CDH12: variants seen among roughly 807,000 people sequenced by gnomAD.
The protein encoded by CDH12 is cadherin 12.
In CDH12, 41 loss-of-function variants were observed where a neutral mutation model predicts 74.1. That is an observed-to-expected ratio of 0.55 (90% CI 0.43 to 0.72). The LOEUF (loss-of-function observed/expected upper bound fraction) is 0.72. Ranked by LOEUF, CDH12 falls within the 30% of genes least tolerant of loss-of-function variation. CDH12 has a pLI of 0.00. For synonymous variants in CDH12, 399 were observed against 355.0 expected (o/e 1.12, Z -1.39); for missense variants, 945 against 977.2 (o/e 0.97, Z 0.44).
intron 5 of CDH12, among the ~76,000 whole-genome samples, chr5:21,987,670 G>T (rs1392669224): frequency 2.0e-5 from 3 of 152,234 alleles, no homozygotes; most frequent in Non-Finnish European, 2.9e-5. Context: ...TGCAAATTTG[G>T]TTGCTATGAT....
At chr5:22,046,435 T>C (rs1023728534) in intron 5 of CDH12, among the ~76,000 whole-genome samples, 11 of 144,174 alleles carry the variant, frequency 7.6e-5, no homozygotes, top group African/African-American at 1.3e-4. Flanking sequence ...AATTTCTTTT[T>C]TTTTTTTTTT....
At chr5:22,639,641 T>C (rs1320353680) in intron 1 of CDH12, among the ~76,000 whole-genome samples, 1 of 152,118 alleles carries the variant, frequency 6.6e-6, no homozygotes, top group East Asian at 1.9e-4. Context: ...ATTTTTACTT[T>C]CCAGTTTCCA....
At chr5:22,400,249 T>C (rs187856279) in intron 3 of CDH12, among the ~76,000 whole-genome samples, 1 of 152,280 alleles carries the variant, frequency 6.6e-6, no homozygotes, top group African/African-American at 2.4e-5. Context: ...TGTATGCTTC[T>C]TTAAATTACT....
At chr5:21,776,429 T>C (rs1745593053) in intron 11 of CDH12, among the ~76,000 whole-genome samples, 1 of 152,200 alleles carries the variant, frequency 6.6e-6, no homozygotes, top group South Asian at 2.1e-4. Context: ...GAGTAGGTTT[T>C]TCTTCTAAGT....
At chr5:22,574,970 T>C (rs1392839897) in intron 1 of CDH12, among the ~76,000 whole-genome samples, 2 of 152,212 alleles carry the variant, frequency 1.3e-5, no homozygotes, top group Non-Finnish European at 2.9e-5. Context: ...TGATTTTATA[T>C]ATTTTGCTTT....
intron 6 of CDH12, among the ~76,000 whole-genome samples, chr5:21,902,594 C>T (rs1753443030): frequency 6.6e-6 from 1 of 152,108 alleles, no homozygotes; most frequent in Non-Finnish European, 1.5e-5. Context: ...ATGTTTCTCA[C>T]TAGGTAACCC....
intron 3 of CDH12, among the ~76,000 whole-genome samples, chr5:22,315,992 C>T (rs180782056): frequency 3.6e-4 from 55 of 151,632 alleles, no homozygotes; most frequent in African/African-American, 1.3e-3. Context: ...CTAACGGGAA[C>T]GTTTCTTAGC....
intron 1 of CDH12, among the ~76,000 whole-genome samples, chr5:22,725,897 C>T (rs7723664): frequency 0.3 from 45,374 of 151,374 alleles, 6,919 homozygotes; most frequent in South Asian, 0.35. Context: ...CCGACATGAT[C>T]TTTTCCACTT....
intron 1 of CDH12, among the ~76,000 whole-genome samples, chr5:22,697,702 G>A (rs771931265): frequency 8.6e-5 from 13 of 152,022 alleles, no homozygotes; most frequent in Non-Finnish European, 5.9e-5. Context: ...ACTAAATTGT[G>A]TCCCCTTAAA....
intron 3 of CDH12, among the ~76,000 whole-genome samples, chr5:22,261,181 T>C (rs1284492785): frequency 6.6e-6 from 1 of 150,854 alleles, no homozygotes; most frequent in Non-Finnish European, 1.5e-5. Context: ...TCTACAGAAA[T>C]TTTTTTTTGC....
At chr5:22,004,800 T>A (rs1312859703) in intron 5 of CDH12, among the ~76,000 whole-genome samples, 1 of 152,130 alleles carries the variant, frequency 6.6e-6, no homozygotes. Flanking sequence ...CTCATCTCCC[T>A]CCTATCCTCC....
At chr5:22,346,563 G>A (rs780033978) in intron 3 of CDH12, among the ~76,000 whole-genome samples, 2 of 152,134 alleles carry the variant, frequency 1.3e-5, no homozygotes, top group East Asian at 1.9e-4. Flanking sequence ...TAGATTCTAG[G>A]TTTGAGTACT....
At chr5:21,810,862 T>G (rs1376514885) in intron 9 of CDH12, among the ~76,000 whole-genome samples, 2 of 152,186 alleles carry the variant, frequency 1.3e-5, no homozygotes, top group Non-Finnish European at 2.9e-5. Context: ...TTTATTATCA[T>G]TTTGTTCTTA....
At chr5:22,119,828 C>T (rs148511800) in intron 4 of CDH12, among the ~76,000 whole-genome samples, 5 of 152,192 alleles carry the variant, frequency 3.3e-5, no homozygotes, top group African/African-American at 9.6e-5. Context: ...ACTCCAAATA[C>T]GTATCAGAGT....
chr5:22,678,696 T>G (rs1357554425), intron 1 of CDH12, among the ~76,000 whole-genome samples: 1 of 152,190 alleles, frequency 6.6e-6, no homozygotes, highest in African/African-American at 2.4e-5. Context: ...TGAACTTCTT[T>G]AGTACTAGAT....
At chr5:21,774,715 C>T (rs1432293378) in intron 11 of CDH12, among the ~76,000 whole-genome samples, 3 of 152,072 alleles carry the variant, frequency 2.0e-5, no homozygotes, top group Non-Finnish European at 4.4e-5. Context: ...AAATAAACTA[C>T]CTACACTCAT....
chr5:22,644,561 G>C (rs1739335937), intron 1 of CDH12, among the ~76,000 whole-genome samples: 1 of 151,990 alleles, frequency 6.6e-6, no homozygotes, highest in African/African-American at 2.4e-5. Flanking sequence ...GTTGGTTCAT[G>C]AGGTTTGAGA....
At chr5:22,715,179 C>A (rs1743510157) in intron 1 of CDH12, among the ~76,000 whole-genome samples, 1 of 152,134 alleles carries the variant, frequency 6.6e-6, no homozygotes, top group Non-Finnish European at 1.5e-5. Flanking sequence ...TTATTTGGCA[C>A]ATCTAATATT....
chr5:22,497,638 C>CTTTTTTTTTTTTTTTTTTTTTTTTTTTT, intron 2 of CDH12, among the ~76,000 whole-genome samples: 1 of 83,232 alleles, frequency 1.2e-5, no homozygotes, highest in Non-Finnish European at 2.1e-5. Context: ...TGTCGAATCT[C>CTTTTTTTTTTTTTTTTTTTTTTTTTTTT]TTTTTTTTTT....
Sources: gnomAD v4.1 joint callset for allele counts (sites outside exome capture counted in the v4.1 genomes callset) on GRCh38, gnomAD v4.1.1 for gene constraint, MANE v1.5 for transcripts, NCBI Gene and HGNC (gene_info 2026-07-23, HGNC 2026-07-21) for gene names.